DRC8: variants seen among roughly 807,000 people sequenced by gnomAD.
The protein encoded by DRC8 is dynein regulatory complex protein 8.
the DRC8 span, among the ~76,000 whole-genome samples, chr1:245,065,322 G>A: frequency 3.3e-5 from 5 of 151,690 alleles, no homozygotes; most frequent in Admixed American, 1.3e-4. Flanking sequence ...CAAAGTGCTC[G>A]GATTATAGGT....
At chr1:245,044,487 T>A in the DRC8 span, among the ~76,000 whole-genome samples, 1 of 142,290 alleles carries the variant, frequency 7.0e-6, no homozygotes, top group Non-Finnish European at 1.5e-5. Flanking sequence ...TTCAGTTTTT[T>A]ATTTTATTTT....
chr1:245,074,422 G>A, the DRC8 span, among the ~76,000 whole-genome samples: 1 of 152,162 alleles, frequency 6.6e-6, no homozygotes, highest in African/African-American at 2.4e-5. Context: ...AACTGGAGAG[G>A]ATGAAACAAT....
chr1:245,121,536 G>A, the DRC8 span, among the ~76,000 whole-genome samples: 1 of 152,210 alleles, frequency 6.6e-6, no homozygotes, highest in Non-Finnish European at 1.5e-5. Context: ...TCTATCCCTA[G>A]CCATGAAACA....
the DRC8 span, among the ~76,000 whole-genome samples, chr1:245,062,517 C>G: frequency 6.6e-6 from 1 of 152,082 alleles, no homozygotes; most frequent in Non-Finnish European, 1.5e-5. Context: ...CATTTTCATA[C>G]AAATGGAAAG....
At chr1:245,010,514 A>G in the DRC8 span, among the ~76,000 whole-genome samples, 1 of 152,170 alleles carries the variant, frequency 6.6e-6, no homozygotes, top group Non-Finnish European at 1.5e-5. Flanking sequence ...GAGGCCTGCC[A>G]TCGGAGCCTG....
chr1:245,109,527 G>A, the DRC8 span, among the ~76,000 whole-genome samples: 7 of 152,122 alleles, frequency 4.6e-5, no homozygotes, highest in African/African-American at 9.7e-5. Flanking sequence ...GGTGTGCATC[G>A]CTCTTTCCTC....
chr1:245,057,912 C>T, the DRC8 span, among the ~76,000 whole-genome samples: 4 of 152,118 alleles, frequency 2.6e-5, no homozygotes, highest in Non-Finnish European at 5.9e-5. Context: ...TATATTTGTT[C>T]CTATTAACCC....
chr1:244,970,795 C>T, the DRC8 span: 2 of 366,922 alleles, frequency 5.5e-6, no homozygotes. Context: ...CCCCCTCCCT[C>T]GGAGGCCGGG....
At chr1:245,037,146 C>T in the DRC8 span, among the ~76,000 whole-genome samples, 1 of 152,160 alleles carries the variant, frequency 6.6e-6, no homozygotes, top group African/African-American at 2.4e-5. Context: ...TACTTCATCT[C>T]TTTCAGAGAA....
the DRC8 span, among the ~76,000 whole-genome samples, chr1:245,074,746 A>AT: frequency 0.96 from 146,080 of 152,160 alleles, 70,412 homozygotes; most frequent in East Asian, 1. Flanking sequence ...TGGCTTTAAA[A>AT]TTTTTGTTTT....
chr1:245,112,326 G>A, the DRC8 span, among the ~76,000 whole-genome samples: 2 of 152,096 alleles, frequency 1.3e-5, no homozygotes, highest in Non-Finnish European at 2.9e-5. Context: ...TGCCTGCCTC[G>A]GCCTCCCAAA....
the DRC8 span, among the ~76,000 whole-genome samples, chr1:244,980,218 CAAAA>C: frequency 3.1e-5 from 2 of 64,980 alleles, no homozygotes; most frequent in Non-Finnish European, 3.0e-5. Flanking sequence ...GACTCCGTCT[CAAAA>C]AAAAAAAAAA....
chr1:245,064,608 G>T, the DRC8 span, among the ~76,000 whole-genome samples: 91 of 150,270 alleles, frequency 6.1e-4, no homozygotes, highest in Non-Finnish European at 1.0e-3. Context: ...AGTGCCTTGG[G>T]GGTAAAATTT....
chr1:244,971,179 G>T, the DRC8 span: 1 of 152,366 alleles, frequency 6.6e-6, no homozygotes, highest in East Asian at 1.9e-4. Context: ...GGCTAGCGCC[G>T]CGCAATTGGC....
chr1:245,075,281 C>T, the DRC8 span, among the ~76,000 whole-genome samples: 12 of 152,208 alleles, frequency 7.9e-5, no homozygotes, highest in Non-Finnish European at 1.2e-4. Context: ...AGGCACTTAA[C>T]CTCTCTGTGC....
chr1:245,070,153 A>T, the DRC8 span, among the ~76,000 whole-genome samples: 3 of 152,238 alleles, frequency 2.0e-5, no homozygotes, highest in East Asian at 5.8e-4. Context: ...TTTGGTATCC[A>T]TGAGGAGTCC....
the DRC8 span, among the ~76,000 whole-genome samples, chr1:245,120,176 T>A: frequency 2.6e-5 from 4 of 152,222 alleles, no homozygotes; most frequent in Admixed American, 2.6e-4. Flanking sequence ...AATTTTTTTT[T>A]ATAAATGTGT....
the DRC8 span, among the ~76,000 whole-genome samples, chr1:244,978,022 G>C: frequency 6.6e-6 from 1 of 152,040 alleles, no homozygotes; most frequent in Non-Finnish European, 1.5e-5. Context: ...TTTAATGTCA[G>C]TTCTACAAAA....
chr1:245,071,123 G>A, the DRC8 span, among the ~76,000 whole-genome samples: 2 of 152,216 alleles, frequency 1.3e-5, no homozygotes, highest in African/African-American at 2.4e-5. Flanking sequence ...CTTCGTCATA[G>A]CAGCACAATT....
Sources: allele counts gnomAD v4.1 joint callset (sites outside exome capture counted in the v4.1 genomes callset), GRCh38; gene constraint gnomAD v4.1.1; transcripts MANE v1.5; gene names NCBI Gene and HGNC (gene_info 2026-07-23, HGNC 2026-07-21).